The following PLEKHA7 variants were observed in gnomAD, a reference collection of about 807,000 sequenced individuals.
PLEKHA7 encodes pleckstrin homology domain-containing family A member 7.
Under a neutral mutation model 170.0 loss-of-function variants are expected in PLEKHA7, and 104 were observed. The ratio of observed to expected loss-of-function variants is 0.61; its 90% CI spans 0.52 to 0.72. The LOEUF (loss-of-function observed/expected upper bound fraction) is 0.72, where lower values mean the gene tolerates loss of function less well. PLEKHA7 is among the 30% of genes least tolerant of loss of function. The pLI is 0.00. For synonymous variants in PLEKHA7, 648 were observed against 660.8 expected (o/e 0.98, Z 0.30); for missense variants, 1,615 against 1,671.7 (o/e 0.97, Z 0.59).
intron 3 of PLEKHA7, among the ~76,000 whole-genome samples, chr11:16,888,910 A>T (rs1300138201): frequency 1.4e-5 from 2 of 138,994 alleles, no homozygotes; most frequent in African/African-American, 5.2e-5. Context: ...GAAGATAAAA[A>T]AAAAAAAGAA....
chr11:16,804,755 G>A (rs751830612), intron 13 of PLEKHA7, among the ~76,000 whole-genome samples: 3 of 152,208 alleles, frequency 2.0e-5, no homozygotes, highest in African/African-American at 7.2e-5. Context: ...TTGAGTTCCC[G>A]GAAAAAATAG....
At chr11:16,860,990 T>A (rs1321528165) in intron 4 of PLEKHA7, among the ~76,000 whole-genome samples, 3 of 152,142 alleles carry the variant, frequency 2.0e-5, no homozygotes, top group Non-Finnish European at 2.9e-5. Context: ...ACCCATGACA[T>A]ACAAAGCATT....
chr11:16,816,843 G>A lies in PLEKHA7; in HGVS notation c.1823C>T (p.Ser608Leu), dbSNP rs992892348. 8.1e-6 allele frequency: 13 copies of A among 1,613,958 alleles called. 1 individual carries two copies. Among genetic ancestry groups the A allele is most frequent in the South Asian group, 5.5e-5 (5 of 91,084 alleles). Reference sequence around the variant, plus strand: ...TGCCCTCCTTGGAGAATCCCCCAGCGAGATGTCCACACTCCTCCTCTGGTC... The same window carrying A: ...TGCCCTCCTTGGAGAATCCCCCAGCAAGATGTCCACACTCCTCCTCTGGTC... Reference protein sequence around the residue: ...PPDQRRSVDISLGDSPRRARG... With the variant: ...PPDQRRSVDILLGDSPRRARG... Residue 608 changes from serine (S) to leucine (L), a missense_variant, in exon 11 of 27, where the codon TCG becomes TTG. By Grantham distance (145) the Ser-to-Leu change is moderately radical (BLOSUM62 -2). Transcript: ENST00000531066.
intron 10 of PLEKHA7, among the ~76,000 whole-genome samples, chr11:16,824,911 C>T (rs1850518041): frequency 6.6e-6 from 1 of 152,232 alleles, no homozygotes; most frequent in South Asian, 2.1e-4. Flanking sequence ...CCAAGAAGAG[C>T]AGCTTCCCTT....
At chr11:16,973,329 G>A (rs1862841043) in intron 3 of PLEKHA7, among the ~76,000 whole-genome samples, 1 of 152,144 alleles carries the variant, frequency 6.6e-6, no homozygotes, top group African/African-American at 2.4e-5. Context: ...AGGTGATGTG[G>A]GGGCCAGAAT....
intron 12 of PLEKHA7, among the ~76,000 whole-genome samples, chr11:16,814,501 GCT>G (rs1849601746): frequency 6.6e-6 from 1 of 152,154 alleles, no homozygotes; most frequent in South Asian, 2.1e-4. Context: ...TAATCCTTCT[GCT>G]CAAGATACCC....
At chr11:16,805,660 C>A in intron 13 of PLEKHA7, among the ~76,000 whole-genome samples, 1 of 151,788 alleles carries the variant, frequency 6.6e-6, no homozygotes, top group Non-Finnish European at 1.5e-5. Flanking sequence ...CACAGTGCCG[C>A]GCACCTGTAG....
chr11:16,979,824 A>C (rs944207322), intron 3 of PLEKHA7, among the ~76,000 whole-genome samples: 2 of 152,092 alleles, frequency 1.3e-5, no homozygotes, highest in Non-Finnish European at 2.9e-5. Flanking sequence ...TCATTTGGCT[A>C]TCTAGTGACT....
intron 3 of PLEKHA7, among the ~76,000 whole-genome samples, chr11:16,901,001 C>G (rs933232481): frequency 6.6e-6 from 1 of 152,066 alleles, no homozygotes; most frequent in Non-Finnish European, 1.5e-5. Context: ...CCCGCCACCA[C>G]AGCCAGCTAA....
intron 4 of PLEKHA7, among the ~76,000 whole-genome samples, chr11:16,868,370 A>G (rs180770093): frequency 1.3e-5 from 2 of 152,330 alleles, no homozygotes; most frequent in Admixed American, 6.5e-5. Context: ...CTAATCTGTA[A>G]AATGAGAAAC....
At chr11:16,890,163 G>A (rs1232809702) in intron 3 of PLEKHA7, among the ~76,000 whole-genome samples, 1 of 152,076 alleles carries the variant, frequency 6.6e-6, no homozygotes, top group Non-Finnish European at 1.5e-5. Context: ...TTCTAAACAT[G>A]GAAACAAAAG....
At chr11:16,944,543 TAAAA>T (rs34484852) in intron 3 of PLEKHA7, among the ~76,000 whole-genome samples, 1 of 138,948 alleles carries the variant, frequency 7.2e-6, no homozygotes, top group African/African-American at 2.7e-5. Context: ...TTCTTCTCCT[TAAAA>T]AAAAAAAAAA....
intron 3 of PLEKHA7, among the ~76,000 whole-genome samples, chr11:16,926,855 T>C (rs1859586715): frequency 6.6e-6 from 1 of 152,164 alleles, no homozygotes; most frequent in South Asian, 2.1e-4. Context: ...CTTATGTCTG[T>C]TTTCTCATCT....
chr11:16,800,202 G>A (rs1473828880), intron 17 of PLEKHA7, among the ~76,000 whole-genome samples: 1 of 152,152 alleles, frequency 6.6e-6, no homozygotes, highest in South Asian at 2.1e-4. Flanking sequence ...TCTTAAGTCA[G>A]GGGAGAAAAA....
intron 3 of PLEKHA7, among the ~76,000 whole-genome samples, chr11:16,902,832 G>A (rs986362888): frequency 2.5e-4 from 38 of 151,854 alleles, no homozygotes; most frequent in African/African-American, 9.2e-4. Context: ...CACAGGTAAA[G>A]GACTTAGCAG....
At chr11:17,009,485 A>G (rs1415958778) in intron 3 of PLEKHA7, among the ~76,000 whole-genome samples, 1 of 152,178 alleles carries the variant, frequency 6.6e-6, no homozygotes, top group African/African-American at 2.4e-5. Flanking sequence ...CAAAGACCCA[A>G]AAAGATTAGG....
intron 3 of PLEKHA7, among the ~76,000 whole-genome samples, chr11:16,906,635 T>A (rs1169868918): frequency 7.2e-6 from 1 of 138,642 alleles, no homozygotes; most frequent in Non-Finnish European, 1.5e-5. Flanking sequence ...TGTTCAGTGG[T>A]GCCCAGGCTG....
chr11:16,970,428 G>A (rs530347503), intron 3 of PLEKHA7, among the ~76,000 whole-genome samples: 135 of 152,264 alleles, frequency 8.9e-4, no homozygotes, highest in African/African-American at 3.2e-3. Flanking sequence ...GAAGGCTGAG[G>A]CAGGGAGAAT....
At chr11:16,806,487 G>A (rs940252543) in intron 13 of PLEKHA7, among the ~76,000 whole-genome samples, 2 of 152,152 alleles carry the variant, frequency 1.3e-5, no homozygotes, top group Non-Finnish European at 2.9e-5. Flanking sequence ...GGGAATCAAA[G>A]GCCACCCAGG....
Sources: allele counts gnomAD v4.1 joint callset (sites outside exome capture counted in the v4.1 genomes callset), GRCh38; gene constraint gnomAD v4.1.1; transcripts MANE v1.5; gene names NCBI Gene and HGNC (gene_info 2026-07-23, HGNC 2026-07-21).